Variants in HEMK2 observed in about 807,000 individuals in gnomAD.
The protein encoded by HEMK2 is methyltransferase HEMK2.
At chr21:28,700,914 A>G in the HEMK2 span, among the ~76,000 whole-genome samples, 1 of 152,068 alleles carries the variant, frequency 6.6e-6, no homozygotes, top group Non-Finnish European at 1.5e-5. Context: ...ATATTAACAA[A>G]CTGAATCCAG....
At chr21:28,673,985 C>A in the HEMK2 span, among the ~76,000 whole-genome samples, 1 of 152,164 alleles carries the variant, frequency 6.6e-6, no homozygotes, top group Non-Finnish European at 1.5e-5. Flanking sequence ...TACTGGGCTG[C>A]ATTCCCTGAG....
the HEMK2 span, among the ~76,000 whole-genome samples, chr21:28,852,504 C>T: frequency 2.0e-5 from 3 of 152,160 alleles, no homozygotes; most frequent in Non-Finnish European, 4.4e-5. Flanking sequence ...GTCCAGTAGT[C>T]CCTGAAATGT....
chr21:28,628,134 G>A, the HEMK2 span, among the ~76,000 whole-genome samples: 8 of 152,044 alleles, frequency 5.3e-5, no homozygotes, highest in Admixed American at 5.2e-4. Flanking sequence ...TTACTCAAAA[G>A]CCAAGAACCT....
the HEMK2 span, chr21:28,879,972 A>C: frequency 2.0e-6 from 3 of 1,522,864 alleles, no homozygotes; most frequent in Non-Finnish European, 2.7e-6. Context: ...ATTCAACAAC[A>C]GTAAGAATTT....
the HEMK2 span, among the ~76,000 whole-genome samples, chr21:28,829,693 T>C: frequency 7.9e-5 from 12 of 152,316 alleles, no homozygotes; most frequent in Admixed American, 6.5e-4. Context: ...CAAAACTCCA[T>C]GGATTTTAAG....
the HEMK2 span, among the ~76,000 whole-genome samples, chr21:28,648,644 G>A: frequency 6.6e-6 from 1 of 152,156 alleles, no homozygotes; most frequent in Admixed American, 6.5e-5. Context: ...GATCTTCTAT[G>A]TTGTGATTCT....
At chr21:28,603,670 C>G in the HEMK2 span, among the ~76,000 whole-genome samples, 1 of 150,154 alleles carries the variant, frequency 6.7e-6, no homozygotes, top group Admixed American at 6.7e-5. Flanking sequence ...CTTCTTAATT[C>G]TTATATGACT....
At chr21:28,767,580 C>T in the HEMK2 span, among the ~76,000 whole-genome samples, 2,235 of 152,076 alleles carry the variant, frequency 0.015, 53 homozygotes, top group African/African-American at 0.051. Flanking sequence ...TGCTAACTGG[C>T]ATAATACCCT....
the HEMK2 span, among the ~76,000 whole-genome samples, chr21:28,804,198 T>A: frequency 6.6e-6 from 1 of 152,172 alleles, no homozygotes; most frequent in Non-Finnish European, 1.5e-5. Flanking sequence ...CTTTTTCCCA[T>A]CTCTTCTAGA....
chr21:28,668,646 T>G, the HEMK2 span, among the ~76,000 whole-genome samples: 5 of 152,160 alleles, frequency 3.3e-5, no homozygotes, highest in Non-Finnish European at 5.9e-5. Context: ...GCTGGTATGG[T>G]CGAGGGCAGT....
the HEMK2 span, among the ~76,000 whole-genome samples, chr21:28,775,401 G>A: frequency 2.0e-5 from 3 of 152,166 alleles, no homozygotes; most frequent in Non-Finnish European, 4.4e-5. Flanking sequence ...GAAAAGAAAT[G>A]GATATACAGG....
At chr21:28,603,374 T>C in the HEMK2 span, among the ~76,000 whole-genome samples, 2 of 152,274 alleles carry the variant, frequency 1.3e-5, no homozygotes, top group African/African-American at 2.4e-5. Flanking sequence ...TGTGAATTCA[T>C]AGGCAATCCC....
chr21:28,625,551 C>T, the HEMK2 span, among the ~76,000 whole-genome samples: 2 of 151,994 alleles, frequency 1.3e-5, no homozygotes, highest in African/African-American at 4.8e-5. Flanking sequence ...GAAACCCCGT[C>T]TGTACTAAAA....
chr21:28,681,958 A>G, the HEMK2 span, among the ~76,000 whole-genome samples: 1 of 152,196 alleles, frequency 6.6e-6, no homozygotes, highest in African/African-American at 2.4e-5. Context: ...CTAGAAGAAA[A>G]CCTAGGCAAT....
At chr21:28,794,395 C>T in the HEMK2 span, among the ~76,000 whole-genome samples, 2 of 152,280 alleles carry the variant, frequency 1.3e-5, no homozygotes, top group East Asian at 3.9e-4. Context: ...ATGAGAATAA[C>T]TCAAATTTCA....
the HEMK2 span, among the ~76,000 whole-genome samples, chr21:28,750,483 G>A: frequency 6.6e-6 from 1 of 152,104 alleles, no homozygotes; most frequent in Admixed American, 6.6e-5. Flanking sequence ...CAGATCGCTT[G>A]AGGCCAGGAG....
the HEMK2 span, among the ~76,000 whole-genome samples, chr21:28,666,114 A>G: frequency 6.6e-6 from 1 of 152,184 alleles, no homozygotes; most frequent in African/African-American, 2.4e-5. Context: ...CTAACATTGC[A>G]AATGGTCCTC....
the HEMK2 span, among the ~76,000 whole-genome samples, chr21:28,693,668 A>G: frequency 7.7e-4 from 118 of 152,346 alleles, no homozygotes; most frequent in Non-Finnish European, 1.5e-3. Flanking sequence ...TTCATAGAAC[A>G]TGCAGGAAAG....
the HEMK2 span, among the ~76,000 whole-genome samples, chr21:28,630,176 CTTTCT>C: frequency 3.9e-5 from 5 of 127,434 alleles, no homozygotes; most frequent in South Asian, 1.2e-3. Flanking sequence ...TAATCATTAA[CTTTCT>C]TTTTTTTCAC....
Sources: gnomAD v4.1 joint callset for allele counts (sites outside exome capture counted in the v4.1 genomes callset) on GRCh38, gnomAD v4.1.1 for gene constraint, MANE v1.5 for transcripts, NCBI Gene and HGNC (gene_info 2026-07-23, HGNC 2026-07-21) for gene names.